The following IRGM variants were observed in gnomAD, a reference collection of about 807,000 sequenced individuals.
The protein encoded by IRGM is immunity related GTPase M, also known as immunity-related GTPase family M protein.
For missense variants in IRGM, 288 were observed against 219.9 expected (o/e 1.31, Z -1.96); for synonymous variants, 98 against 80.6 (o/e 1.22, Z -1.16).
intron 1 of IRGM, among the ~76,000 whole-genome samples, chr5:150,870,900 ACT>A (rs1458513772): frequency 2.0e-5 from 3 of 151,582 alleles, no homozygotes; most frequent in Non-Finnish European, 4.4e-5. Context: ...GGTTTGACCA[ACT>A]CTATCCGTCT....
At position 150,891,234 on chromosome 5, in the gene IRGM, G is replaced by A. The variant is rs180791252; in HGVS notation, c.*141-9355G>A. 7.7e-4 allele frequency among the ~76,000 whole-genome samples: 117 copies of A among 152,118 alleles called. 2 individuals carry two copies. Among genetic ancestry groups the A allele is most frequent in the African/African-American group, 2.7e-3 (114 of 41,526 alleles). ...ATTTATCCTGAAATATATTTTATCT[G>A]ATATTAACATAGGCCTTCCAGATTT... is the stretch of plus-strand genomic sequence containing the variant. On this transcript the variant is annotated intron_variant and NMD_transcript_variant, in intron 3 of 3. Transcript: ENST00000520549.
chr5:150,858,757 A>G (rs1007267849), intron 1 of IRGM, among the ~76,000 whole-genome samples: 30 of 152,088 alleles, frequency 2.0e-4, no homozygotes, highest in Admixed American at 1.1e-3. Flanking sequence ...GAATGCTTGT[A>G]ATTTTTGTAC....
intron 3 of IRGM, among the ~76,000 whole-genome samples, chr5:150,880,072 A>T (rs183587667): frequency 6.6e-6 from 1 of 152,324 alleles, no homozygotes; most frequent in African/African-American, 2.4e-5. Flanking sequence ...CTGAACCATT[A>T]AAATTCCTGT....
rs890764862 is a variant in IRGM, at chr5:150,856,486, ACTCT to A, written c.158+7837_158+7840del. Among the ~76,000 whole-genome samples the A allele has an allele frequency of 9.4e-4, 143 of 151,868 alleles. 1 individual carries two copies. Among genetic ancestry groups the A allele is most frequent in the African/African-American group, 3.3e-3 (137 of 41,438 alleles). On this transcript the variant is annotated intron_variant and NMD_transcript_variant, in intron 1 of 3. Transcript: ENST00000520549. ...ATAAAATAAAATGTATCAAAATTCT[ACTCT>A]CTCTAAGGGTGATTTTTAAACATTC...
At chr5:150,886,099 GCTTTTAAGATGAA>G (rs1425850860) in intron 3 of IRGM, among the ~76,000 whole-genome samples, 2 of 151,982 alleles carry the variant, frequency 1.3e-5, no homozygotes, top group Non-Finnish European at 2.9e-5. Flanking sequence ...TTTATGGAGA[GCTTTTAAGATGAA>G]AGCATGTTGA....
intron 3 of IRGM, chr5:150,896,086 C>G: frequency 6.2e-7 from 1 of 1,613,568 alleles, no homozygotes; most frequent in Non-Finnish European, 8.5e-7. Context: ...TTCCCACACT[C>G]TCTACATTCA....
intron 3 of IRGM, among the ~76,000 whole-genome samples, chr5:150,885,280 G>A (rs1381112742): frequency 6.6e-6 from 1 of 152,056 alleles, no homozygotes; most frequent in Non-Finnish European, 1.5e-5. Context: ...CTATGTGCCT[G>A]TTTTTGTACT....
chr5:150,854,439 T>C (rs958613805), intron 1 of IRGM, among the ~76,000 whole-genome samples: 3 of 152,138 alleles, frequency 2.0e-5, no homozygotes, highest in Non-Finnish European at 4.4e-5. Context: ...TTACTGTCTA[T>C]TGTCATTTTA....
At chr5:150,874,523 C>T (rs1036917368) in intron 1 of IRGM, among the ~76,000 whole-genome samples, 2 of 152,178 alleles carry the variant, frequency 1.3e-5, no homozygotes, top group African/African-American at 4.8e-5. Flanking sequence ...AGGCATAACA[C>T]CTAATGGGCC....
At chr5:150,896,047 T>C in intron 3 of IRGM, 1 of 1,613,362 alleles carries the variant, frequency 6.2e-7, no homozygotes, top group South Asian at 1.1e-5. Flanking sequence ...CTGTGGTGTA[T>C]AATCAGCTGT....
chr5:150,898,763 A>G (rs1447127514), intron 3 of IRGM, among the ~76,000 whole-genome samples: 1 of 152,058 alleles, frequency 6.6e-6, no homozygotes, highest in Admixed American at 6.6e-5. Flanking sequence ...GTAATTTCAT[A>G]CATTTTAAAG....
chr5:150,870,804 G>C (rs560655398), intron 1 of IRGM, among the ~76,000 whole-genome samples: 1 of 152,042 alleles, frequency 6.6e-6, no homozygotes, highest in South Asian at 2.1e-4. Context: ...TATAAGTTAC[G>C]CGATCATTTG....
chr5:150,889,733 T>A (rs1754579543), intron 3 of IRGM, among the ~76,000 whole-genome samples: 1 of 152,210 alleles, frequency 6.6e-6, no homozygotes, highest in South Asian at 2.1e-4. Flanking sequence ...TTTTTATCTA[T>A]GAAGAAGTTC....
intron 3 of IRGM, chr5:150,896,683 T>C: frequency 6.2e-7 from 1 of 1,613,590 alleles, no homozygotes; most frequent in Non-Finnish European, 8.5e-7. Flanking sequence ...GCATCATATT[T>C]ATGGAATCTC....
At chr5:150,897,107 A>G (rs1203223058) in intron 3 of IRGM, 1 of 649,334 alleles carries the variant, frequency 1.5e-6, no homozygotes, top group African/African-American at 1.8e-5. Context: ...ATCTCAGAAG[A>G]CAGTACAGCA....
At chr5:150,859,042 A>G (rs1239144847) in intron 1 of IRGM, among the ~76,000 whole-genome samples, 1 of 152,192 alleles carries the variant, frequency 6.6e-6, no homozygotes, top group Non-Finnish European at 1.5e-5. Flanking sequence ...TTGCCCATTC[A>G]GTATGATATT....
chr5:150,857,830 T>C (rs890417912), intron 1 of IRGM, among the ~76,000 whole-genome samples: 1 of 152,194 alleles, frequency 6.6e-6, no homozygotes, highest in Non-Finnish European at 1.5e-5. Context: ...TCTTAGCCCT[T>C]TGTCAGATGA....
intron 1 of IRGM, among the ~76,000 whole-genome samples, chr5:150,870,412 TA>T (rs1754266620): frequency 6.6e-6 from 1 of 151,994 alleles, no homozygotes; most frequent in Non-Finnish European, 1.5e-5. Context: ...GTCAAACCAG[TA>T]AGACAATTTG....
chr5:150,900,116 G>A (rs1172319193), intron 3 of IRGM, among the ~76,000 whole-genome samples: 2 of 151,978 alleles, frequency 1.3e-5, no homozygotes, highest in African/African-American at 4.8e-5. Flanking sequence ...GTAAATACTT[G>A]CCAAAGATGA....
Sources: gnomAD v4.1 joint callset for allele counts (sites outside exome capture counted in the v4.1 genomes callset) on GRCh38, gnomAD v4.1.1 for gene constraint, MANE v1.5 for transcripts, NCBI Gene and HGNC (gene_info 2026-07-23, HGNC 2026-07-21) for gene names.